Variants in EHD4 observed in about 807,000 individuals in gnomAD.
The protein encoded by EHD4 is EH domain-containing protein 4.
In EHD4, 37 loss-of-function variants were observed where a neutral mutation model predicts 51.0. The observed-to-expected ratio is 0.73, with a 90% confidence interval of 0.56 to 0.95. The LOEUF is 0.95. Ranked by LOEUF, EHD4 falls within the 40% of genes least tolerant of loss-of-function variation. The pLI is 0.00. For synonymous variants in EHD4, 297 were observed against 317.3 expected, an observed-to-expected ratio of 0.94 and a Z score of 0.68; for missense variants, 632 against 733.1, an observed-to-expected ratio of 0.86 and a Z score of 1.59.
chr15:41,946,504 C>T (rs565569072), intron 2 of EHD4, among the ~76,000 whole-genome samples: 37 of 152,136 alleles, frequency 2.4e-4, no homozygotes, highest in African/African-American at 6.7e-4. Context: ...TGAGTGGGGA[C>T]GATCTCTTGA....
rs112940973 is a variant in EHD4 at position 41,924,991 on chromosome 15, C to T, written c.512-5369G>A. On this transcript the variant is annotated intron_variant, in intron 3 of 5. Transcript: ENST00000220325. Reference sequence around the variant, plus strand: ...AGGAGAATCGCTTCAACCCAAGAGGCGGAGGCTGCAGTGAGCCGAGACTGT... The same window carrying T: ...AGGAGAATCGCTTCAACCCAAGAGGTGGAGGCTGCAGTGAGCCGAGACTGT... Among the ~76,000 whole-genome samples, 16 of 149,862 alleles carry T rather than the reference C, an allele frequency of 1.1e-4. 1 individual carries two copies. In the South Asian group the frequency reaches 1.5e-3, roughly 14 times the overall value.
At chr15:41,950,264 T>A (rs1566825664) in intron 2 of EHD4, among the ~76,000 whole-genome samples, 1 of 152,180 alleles carries the variant, frequency 6.6e-6, no homozygotes, top group Non-Finnish European at 1.5e-5. Flanking sequence ...GTGGAGGGTG[T>A]TGTCCCCCTC....
intron 2 of EHD4, among the ~76,000 whole-genome samples, chr15:41,951,592 C>T (rs1472431977): frequency 6.6e-6 from 1 of 152,146 alleles, no homozygotes; most frequent in Non-Finnish European, 1.5e-5. Context: ...AAAAAACTGG[C>T]AGCTTATTTC....
chr15:41,963,675 TAA>T (rs1029641960), intron 1 of EHD4, among the ~76,000 whole-genome samples: 2 of 148,240 alleles, frequency 1.3e-5, no homozygotes, highest in Non-Finnish European at 3.0e-5. Flanking sequence ...AACCAAAAAA[TAA>T]AAGATATTAT....
chr15:41,972,209 G>T (rs762795018), intron 1 of EHD4, 50 bp downstream of exon 1: 20 of 1,440,648 alleles, frequency 1.4e-5, no homozygotes, highest in Non-Finnish European at 1.8e-5. Flanking sequence ...CGGCGCACAC[G>T]TGGGGAGGGC....
chr15:41,911,051 G>A (rs1229165168), intron 4 of EHD4, among the ~76,000 whole-genome samples: 2 of 152,208 alleles, frequency 1.3e-5, no homozygotes, highest in East Asian at 1.9e-4. Context: ...AAGGGGGTAA[G>A]CAGATACATT....
intron 3 of EHD4, among the ~76,000 whole-genome samples, chr15:41,934,386 A>G (rs2067718455): frequency 6.6e-6 from 1 of 150,596 alleles, no homozygotes; most frequent in Non-Finnish European, 1.5e-5. Context: ...GCACAATTAT[A>G]GCTCACTGCA....
chr15:41,931,056 A>G (rs1399885721), intron 3 of EHD4, among the ~76,000 whole-genome samples: 1 of 152,200 alleles, frequency 6.6e-6, no homozygotes, highest in Non-Finnish European at 1.5e-5. Context: ...TAACATAATA[A>G]AAAGACCGCC....
At chr15:41,931,064 G>A (rs935861087) in intron 3 of EHD4, among the ~76,000 whole-genome samples, 9 of 152,162 alleles carry the variant, frequency 5.9e-5, no homozygotes, top group South Asian at 2.1e-4. Flanking sequence ...TAAAAAGACC[G>A]CCGCTCCTTT....
chr15:41,939,683 C>T (rs761282292), intron 3 of EHD4, among the ~76,000 whole-genome samples: 6 of 151,790 alleles, frequency 4.0e-5, no homozygotes, highest in Non-Finnish European at 8.8e-5. Flanking sequence ...ACCTGTAGTC[C>T]CAGCTACTCA....
chr15:41,959,321 G>A (rs1595545713), intron 1 of EHD4, among the ~76,000 whole-genome samples: 3 of 149,396 alleles, frequency 2.0e-5, no homozygotes, highest in African/African-American at 5.0e-5. Flanking sequence ...GCGTGAACCC[G>A]GGAGGCTGAG....
At chr15:41,901,231 G>C (rs1270886011) in intron 5 of EHD4, 50 bp from the exon 6 acceptor site, 10 of 1,495,014 alleles carry the variant, frequency 6.7e-6, no homozygotes, top group Non-Finnish European at 7.1e-6. Context: ...TCTTCAGGGG[G>C]AAACAGTTGG....
At position 41,916,923 on chromosome 15, in the gene EHD4, C is replaced by G. The variant is rs903083916; in HGVS notation, c.924+2287G>C. On this transcript the variant is annotated intron_variant, in intron 4 of 5. Coordinates refer to ENST00000220325, the MANE Select transcript of EHD4 (RefSeq NM_139265.4). ...AAGCTCAGCAAGTTTGACCGTCCCCCACTCCCTGCATCCACACAAGGGTTT... is the reference window on the plus strand; with the variant it reads ...AAGCTCAGCAAGTTTGACCGTCCCCGACTCCCTGCATCCACACAAGGGTTT... Among the ~76,000 whole-genome samples, 7 of 152,310 alleles carry G rather than the reference C, an allele frequency of 4.6e-5. No homozygotes were observed. The East Asian group carries it at 1.2e-3, about 25-fold the overall frequency.
chr15:41,919,883 T>G (rs1165561348), intron 3 of EHD4, among the ~76,000 whole-genome samples: 1 of 152,238 alleles, frequency 6.6e-6, no homozygotes, highest in South Asian at 2.1e-4. Context: ...CTTTCATATC[T>G]GCGATTTCAT....
chr15:41,955,771 C>T (rs1037232342), intron 1 of EHD4, among the ~76,000 whole-genome samples: 4 of 152,176 alleles, frequency 2.6e-5, no homozygotes, highest in Non-Finnish European at 5.9e-5. Context: ...TGTGAAACTC[C>T]AGCCTCTATG....
chr15:41,915,687 T>C (rs1483890980), intron 4 of EHD4, among the ~76,000 whole-genome samples: 2 of 152,334 alleles, frequency 1.3e-5, no homozygotes, highest in African/African-American at 4.8e-5. Flanking sequence ...TAATTATAGC[T>C]GAATAAAAGT....
intron 4 of EHD4, among the ~76,000 whole-genome samples, chr15:41,917,452 A>T (rs1484474204): frequency 6.6e-6 from 1 of 152,192 alleles, no homozygotes; most frequent in Non-Finnish European, 1.5e-5. Flanking sequence ...ATACAGCAGC[A>T]TCTCCAGTCA....
At chr15:41,923,620 T>C (rs575882755) in intron 3 of EHD4, among the ~76,000 whole-genome samples, 1 of 152,308 alleles carries the variant, frequency 6.6e-6, no homozygotes, top group South Asian at 2.1e-4. Flanking sequence ...TCCCAGGTGA[T>C]TGCAATGCAT....
At chr15:41,955,297 G>C (rs998566144) in intron 1 of EHD4, among the ~76,000 whole-genome samples, 3 of 151,924 alleles carry the variant, frequency 2.0e-5, no homozygotes, top group Non-Finnish European at 4.4e-5. Context: ...GCTTGCCCAA[G>C]GTCACACAGC....
Sources: allele counts gnomAD v4.1 joint callset (sites outside exome capture counted in the v4.1 genomes callset), GRCh38; gene constraint gnomAD v4.1.1; transcripts MANE v1.5; gene names NCBI Gene and HGNC (gene_info 2026-07-23, HGNC 2026-07-21).